PHAF1: variants seen among roughly 807,000 people sequenced by gnomAD.
PHAF1 encodes phagosome assembly factor 1.
Under a neutral mutation model 63.1 loss-of-function variants are expected in PHAF1, and 23 were observed. That is an observed-to-expected ratio of 0.36 (90% confidence interval 0.26 to 0.52). The LOEUF (loss-of-function observed/expected upper bound fraction) is 0.52, where lower values mean the gene tolerates loss of function less well. Ranked by LOEUF, PHAF1 falls within the 20% of genes least tolerant of loss-of-function variation. PHAF1 has a pLI of 0.93. For missense variants in PHAF1, 427 were observed against 517.2 expected, an observed-to-expected ratio of 0.83 and a Z score of 1.69; for synonymous variants, 167 against 185.0, an observed-to-expected ratio of 0.90 and a Z score of 0.79.
At chr16:67,126,144 G>A in intron 3 of PHAF1, 102 bp downstream of exon 3, 1 of 881,984 alleles carries the variant, frequency 1.1e-6, no homozygotes, top group South Asian at 1.4e-5. Flanking sequence ...TTATAAGTAG[G>A]TGTGGACTTC....
At position 67,140,131 on chromosome 16, in the gene PHAF1, G is replaced by A. The variant is rs1383809177; in HGVS notation, c.795+14G>A. ...TCAGAAGACAAGGTAGGGGAATTAT[G>A]TTGCAGTCTCCTCCTTTTTTTTAAT... On this transcript the variant is annotated intron_variant, in intron 9 of 15. Coordinates refer to ENST00000219139, the MANE Select transcript of PHAF1 (RefSeq NM_025187.5). The A allele has an allele frequency of 2.5e-6, 4 of 1,611,952 alleles. No individual in the cohort carries two copies. Among genetic ancestry groups the A allele is most frequent in the South Asian group, 2.2e-5 (2 of 90,598 alleles).
intron 6 of PHAF1, 94 bp from the exon 7 acceptor site, chr16:67,134,074 G>A (rs540784667): frequency 4.0e-5 from 43 of 1,079,592 alleles, no homozygotes; most frequent in Non-Finnish European, 5.6e-5. Flanking sequence ...TTTGACCTGA[G>A]CAGCTCTTGA....
intron 14 of PHAF1, among the ~76,000 whole-genome samples, chr16:67,146,000 T>A (rs2030023565): frequency 6.6e-6 from 1 of 152,182 alleles, no homozygotes. Flanking sequence ...CCATGCTGCC[T>A]GAGATTCTCT....
At chr16:67,142,468 C>T (rs1963850108) in intron 10 of PHAF1, among the ~76,000 whole-genome samples, 1 of 152,250 alleles carries the variant, frequency 6.6e-6, no homozygotes, top group Non-Finnish European at 1.5e-5. Context: ...CTTCTGCTTC[C>T]TACCACCATC....
chr16:67,142,607 C>T (rs1050826237), intron 10 of PHAF1, among the ~76,000 whole-genome samples: 1 of 152,222 alleles, frequency 6.6e-6, no homozygotes, highest in Admixed American at 6.5e-5. Flanking sequence ...CAACTTTGCC[C>T]CTCCCCAGAG....
At chr16:67,133,376 C>T (rs1011967867) in intron 6 of PHAF1, among the ~76,000 whole-genome samples, 4 of 151,934 alleles carry the variant, frequency 2.6e-5, no homozygotes, top group South Asian at 2.1e-4. Flanking sequence ...GAAAACTGAC[C>T]GGGCATGGTG....
At chr16:67,115,476 G>T (rs556798491) in intron 1 of PHAF1, among the ~76,000 whole-genome samples, 1 of 152,328 alleles carries the variant, frequency 6.6e-6, no homozygotes, top group Non-Finnish European at 1.5e-5. Flanking sequence ...GTGAACAGTG[G>T]AAAGAAGATA....
intron 10 of PHAF1, among the ~76,000 whole-genome samples, chr16:67,141,333 G>A (rs1646818943): frequency 6.6e-6 from 1 of 152,242 alleles, no homozygotes; most frequent in African/African-American, 2.4e-5. Flanking sequence ...CTGAGAGTAG[G>A]ATGGCGGCAG....
intron 3 of PHAF1, among the ~76,000 whole-genome samples, chr16:67,127,886 T>C (rs1963251424): frequency 6.6e-6 from 1 of 152,172 alleles, no homozygotes; most frequent in Non-Finnish European, 1.5e-5. Flanking sequence ...AAGTCCACTT[T>C]AGAAAATGTA....
intron 15 of PHAF1, 131 bp downstream of exon 15, chr16:67,146,481 C>A (rs900439877): frequency 1.1e-5 from 10 of 950,888 alleles, no homozygotes; most frequent in Non-Finnish European, 1.5e-5. Flanking sequence ...CTTCAGCAAC[C>A]GTGTCTGCTG....
rs1963398805 is a variant in PHAF1 at position 67,131,500 on chromosome 16, A to C, written c.275+171A>C. On this transcript the variant is annotated intron_variant, in intron 4 of 15. Coordinates refer to ENST00000219139, the MANE Select transcript of PHAF1 (RefSeq NM_025187.5). ...GCTCAGTTTCCTGGAGAAGAGAAGT[A>C]AACCTCATTAAGAATATGTGATGTG... Among the ~76,000 whole-genome samples, 5 of 152,216 alleles carry C rather than the reference A, an allele frequency of 3.3e-5. 1 individual carries two copies.
intron 3 of PHAF1, among the ~76,000 whole-genome samples, chr16:67,128,758 G>C (rs1488279268): frequency 6.6e-6 from 1 of 152,200 alleles, no homozygotes; most frequent in African/African-American, 2.4e-5. Flanking sequence ...GATGCTCCTA[G>C]TGACATGAAG....
At chr16:67,146,935 A>G (rs1222808871) in intron 15 of PHAF1, 110 bp from the exon 16 acceptor site, 1 of 1,013,620 alleles carries the variant, frequency 9.9e-7, no homozygotes, top group Non-Finnish European at 1.5e-6. Context: ...GAGTCGGGAA[A>G]CCCAGCCATT....
Position 67,132,858 on chromosome 16 carries a change from G to C in PHAF1, c.397G>C (p.Gly133Arg). The change falls in exon 6 of 16, where the codon GGA becomes CGA. Residue 133 changes from glycine to arginine, a missense_variant. Gly to Arg is a moderately radical substitution (Grantham distance 125). Transcript: ENST00000219139. The part of the protein sequence containing the change: ...AEQLFHLNFR[G>R]LSFSFQLDSW... Reference sequence around the variant, plus strand: ...GCAGCTCTTCCATCTCAACTTCAGAGGACTGTCTTTCTCTTTTCAGTTAGA... The same window carrying C: ...GCAGCTCTTCCATCTCAACTTCAGACGACTGTCTTTCTCTTTTCAGTTAGA... 1 of 1,613,996 alleles carries C rather than the reference G, an allele frequency of 6.2e-7. No homozygotes were observed. Among genetic ancestry groups the C allele is most frequent in the Non-Finnish European group, 8.5e-7 (1 of 1,179,848 alleles).
intron 13 of PHAF1, 75 bp downstream of exon 13, chr16:67,145,494 G>A: frequency 6.2e-7 from 1 of 1,612,288 alleles, no homozygotes; most frequent in South Asian, 1.1e-5. Context: ...ATGGGGCTGT[G>A]TCCTCTAGGC....
At chr16:67,126,830 C>G (rs1228581961) in intron 3 of PHAF1, among the ~76,000 whole-genome samples, 1 of 151,464 alleles carries the variant, frequency 6.6e-6, no homozygotes, top group Non-Finnish European at 1.5e-5. Flanking sequence ...CCTTGTGATC[C>G]GCCCACCACA....
chr16:67,143,226 G>A (rs1215122635), intron 10 of PHAF1, among the ~76,000 whole-genome samples: 1 of 152,186 alleles, frequency 6.6e-6, no homozygotes, highest in Non-Finnish European at 1.5e-5. Flanking sequence ...TAGTCAAGTG[G>A]CCTTCAGCCC....
rs1375310554 is a variant in PHAF1, at chr16:67,140,169, A to C, written c.795+52A>C. The C allele has an allele frequency of 2.5e-6, 4 of 1,573,510 alleles. No homozygotes were observed. The African/African-American group carries it at 4.1e-5, about 16-fold the overall frequency. Reference sequence around the variant, plus strand: ...CCTTTTTTTTAATCAACACTAATTTAATATTGAGTATAAACTGTTTGCTAT... The same window carrying C: ...CCTTTTTTTTAATCAACACTAATTTCATATTGAGTATAAACTGTTTGCTAT... On this transcript the variant is annotated intron_variant, in intron 9 of 15. Transcript: ENST00000219139.
chr16:67,146,751 T>C (rs549388017), intron 15 of PHAF1, among the ~76,000 whole-genome samples: 37 of 152,286 alleles, frequency 2.4e-4, no homozygotes, highest in African/African-American at 8.9e-4. Flanking sequence ...CCTGCTGACT[T>C]GGGAGAACAG....
Sources: gnomAD v4.1 joint callset for allele counts (sites outside exome capture counted in the v4.1 genomes callset) on GRCh38, gnomAD v4.1.1 for gene constraint, MANE v1.5 for transcripts, NCBI Gene and HGNC (gene_info 2026-07-23, HGNC 2026-07-21) for gene names.